KIAA1217: variants seen among roughly 807,000 people sequenced by gnomAD.
KIAA1217 encodes the protein sickle tail protein homolog.
A neutral mutation model predicts 163.9 loss-of-function variants in KIAA1217; 88 were observed. That is an observed-to-expected ratio of 0.54 (90% CI 0.45 to 0.64). The LOEUF (loss-of-function observed/expected upper bound fraction) is 0.64. Ranked by LOEUF, KIAA1217 falls within the 30% of genes least tolerant of loss-of-function variation. The pLI is 0.00. For missense variants in KIAA1217, 2,372 were observed against 2,475.0 expected (o/e 0.96, Z 0.88); for synonymous variants, 903 against 923.1 (o/e 0.98, Z 0.39).
At chr10:23,965,929 C>G (rs1845048994) in intron 1 of KIAA1217, among the ~76,000 whole-genome samples, 1 of 152,206 alleles carries the variant, frequency 6.6e-6, no homozygotes, top group Non-Finnish European at 1.5e-5. Context: ...CTGTAACAGA[C>G]ACTGATTTAA....
At chr10:24,269,614 C>A (rs1396201790) in intron 2 of KIAA1217, among the ~76,000 whole-genome samples, 1 of 152,170 alleles carries the variant, frequency 6.6e-6, no homozygotes, top group African/African-American at 2.4e-5. Flanking sequence ...TGAATCCAAG[C>A]ACCCATTCCC....
At chr10:23,703,643 C>T (rs574326469) in intron 1 of KIAA1217, among the ~76,000 whole-genome samples, 26 of 152,230 alleles carry the variant, frequency 1.7e-4, no homozygotes, top group African/African-American at 6.3e-4. Flanking sequence ...TGAATATGTA[C>T]AAACTGGTCC....
In KIAA1217 at chr10:23,845,346, C is replaced by A. The variant is rs147394480; in HGVS notation, c.-321+150112C>A. On this transcript the variant is annotated intron_variant, in intron 1 of 18. Transcript: ENST00000376462. The stretch of plus-strand genomic sequence containing the variant: ...CACAATGGTTGAACTAATTTACAGT[C>A]CCACCAACAGTGTAAAAGCATTCCT... Among the ~76,000 whole-genome samples, 655 of 152,248 alleles carry A rather than the reference C, an allele frequency of 4.3e-3. 5 individuals are homozygous for A. The highest frequency in any genetic ancestry group is 0.015 in the African/African-American group (635 of 41,548).
chr10:24,320,278 T>C (rs2043969367), intron 2 of KIAA1217, among the ~76,000 whole-genome samples: 1 of 152,204 alleles, frequency 6.6e-6, no homozygotes, highest in Non-Finnish European at 1.5e-5. Flanking sequence ...AATAAATTGG[T>C]ACCCATCCAC....
intron 1 of KIAA1217, among the ~76,000 whole-genome samples, chr10:23,744,217 C>A (rs749717421): frequency 6.6e-6 from 1 of 152,188 alleles, no homozygotes; most frequent in Non-Finnish European, 1.5e-5. Context: ...ATGTGAGCTA[C>A]TAGGTAGCCT....
intron 2 of KIAA1217, among the ~76,000 whole-genome samples, chr10:24,015,241 C>T (rs188848716): frequency 1.6e-4 from 25 of 152,238 alleles, no homozygotes; most frequent in Admixed American, 1.4e-3. Context: ...ATCTGTTCCA[C>T]TCATTGGTAA....
chr10:23,710,692 CAAAT>C (rs1377038323), intron 1 of KIAA1217, among the ~76,000 whole-genome samples: 1 of 152,118 alleles, frequency 6.6e-6, no homozygotes, highest in African/African-American at 2.4e-5. Context: ...AACTTTTACT[CAAAT>C]AAAGATTTAT....
intron 5 of KIAA1217, among the ~76,000 whole-genome samples, chr10:24,440,245 A>G: frequency 6.6e-6 from 1 of 152,220 alleles, no homozygotes; most frequent in East Asian, 1.9e-4. Flanking sequence ...CCACATGGAG[A>G]CAGATTGAGT....
chr10:23,895,592 C>T (rs763619173), intron 1 of KIAA1217, among the ~76,000 whole-genome samples: 2 of 152,072 alleles, frequency 1.3e-5, no homozygotes, highest in Non-Finnish European at 2.9e-5. Context: ...GGTGATTCCT[C>T]AGAGATCTAG....
chr10:24,175,142 G>A (rs186382066), intron 2 of KIAA1217, among the ~76,000 whole-genome samples: 12 of 152,200 alleles, frequency 7.9e-5, no homozygotes, highest in East Asian at 7.8e-4. Context: ...GATTACAGGC[G>A]TGAGCCACCG....
intron 2 of KIAA1217, among the ~76,000 whole-genome samples, chr10:24,298,253 C>T (rs1376154414): frequency 6.6e-6 from 1 of 151,846 alleles, no homozygotes; most frequent in Non-Finnish European, 1.5e-5. Flanking sequence ...TGTACCTGAG[C>T]ATTTGTATAT....
At chr10:24,142,176 T>C (rs2064114795) in intron 2 of KIAA1217, among the ~76,000 whole-genome samples, 1 of 152,208 alleles carries the variant, frequency 6.6e-6, no homozygotes, top group Admixed American at 6.5e-5. Context: ...ACCTGATATG[T>C]ATTTAGATTT....
intron 3 of KIAA1217, among the ~76,000 whole-genome samples, chr10:24,419,175 A>G (rs2058525118): frequency 1.3e-5 from 2 of 149,364 alleles, no homozygotes; most frequent in South Asian, 4.2e-4. Flanking sequence ...TCGTCTCCAA[A>G]AAAAAAAAAA....
chr10:24,096,653 T>A (rs1418789588), intron 2 of KIAA1217, among the ~76,000 whole-genome samples: 3 of 151,944 alleles, frequency 2.0e-5, no homozygotes, highest in Admixed American at 6.6e-5. Flanking sequence ...CTGCAGCAAA[T>A]TTTTTTTACC....
intron 2 of KIAA1217, among the ~76,000 whole-genome samples, chr10:24,247,743 G>A (rs11013988): frequency 6.6e-6 from 1 of 152,212 alleles, no homozygotes; most frequent in Non-Finnish European, 1.5e-5. Flanking sequence ...GGAGCTTGCA[G>A]TGAGCTGAGA....
chr10:23,945,075 A>ACGG (rs763057448), intron 1 of KIAA1217, among the ~76,000 whole-genome samples: 1 of 146,392 alleles, frequency 6.8e-6, no homozygotes, highest in Non-Finnish European at 1.5e-5. Context: ...AAAAAAAAAA[A>ACGG]GGGTTTTAAC....
intron 1 of KIAA1217, among the ~76,000 whole-genome samples, chr10:23,716,808 A>G (rs969272806): frequency 6.6e-6 from 1 of 152,210 alleles, no homozygotes; most frequent in Non-Finnish European, 1.5e-5. Flanking sequence ...TTCTTTCTGG[A>G]CAAATAGATT....
chr10:23,850,466 A>G (rs1243099173), intron 1 of KIAA1217, among the ~76,000 whole-genome samples: 3 of 152,090 alleles, frequency 2.0e-5, no homozygotes, highest in Non-Finnish European at 4.4e-5. Flanking sequence ...AGAAATGCAA[A>G]CAGGGAGAGG....
rs192695890 is a variant in KIAA1217 at position 23,931,444 on chromosome 10, G to C, written c.-320-75781G>C. On this transcript the variant is annotated intron_variant, in intron 1 of 18. Coordinates refer to the KIAA1217 transcript ENST00000376462. ...GAGAAAGAAGAGTCACTGTGTCAAG[G>C]CCATCCCATCTAACATTTACCTACA... is the stretch of plus-strand genomic sequence containing the variant. Among the ~76,000 whole-genome samples, 115 of 152,164 alleles carry C rather than the reference G, an allele frequency of 7.6e-4. 2 individuals carry two copies. Among genetic ancestry groups the C allele is most frequent in the Admixed American group, 3.5e-3 (53 of 15,276 alleles).
Sources: gnomAD v4.1 joint callset for allele counts (sites outside exome capture counted in the v4.1 genomes callset) on GRCh38, gnomAD v4.1.1 for gene constraint, MANE v1.5 for transcripts, NCBI Gene and HGNC (gene_info 2026-07-23, HGNC 2026-07-21) for gene names.